The following ACKR2 variants were observed in gnomAD, a reference collection of about 807,000 sequenced individuals.
ACKR2 encodes the protein atypical chemokine receptor 2.
For synonymous variants in ACKR2, 207 were observed against 192.2 expected (o/e 1.08, Z -0.64); for missense variants, 457 against 477.3 (o/e 0.96, Z 0.40).
chr3:42,848,612 C>T (rs2125617609), intron 2 of ACKR2, among the ~76,000 whole-genome samples: 1 of 152,072 alleles, frequency 6.6e-6, no homozygotes, highest in South Asian at 2.1e-4. Flanking sequence ...TGGAAAAAAC[C>T]ACAGTAATAA....
chr3:42,821,480 A>T (rs1700808974), intron 2 of ACKR2, among the ~76,000 whole-genome samples: 1 of 152,122 alleles, frequency 6.6e-6, no homozygotes, highest in Non-Finnish European at 1.5e-5. Flanking sequence ...GATCATTTAA[A>T]CAACTCTACA....
intron 1 of ACKR2, among the ~76,000 whole-genome samples, chr3:42,817,313 C>G (rs1700762303): frequency 6.6e-6 from 1 of 152,138 alleles, no homozygotes; most frequent in South Asian, 2.1e-4. Context: ...TTCTCTAAAT[C>G]AATTCTCTCA....
chr3:42,827,994 A>G (rs1458660841), intron 2 of ACKR2, among the ~76,000 whole-genome samples: 1 of 151,636 alleles, frequency 6.6e-6, no homozygotes, highest in Non-Finnish European at 1.5e-5. Context: ...CTGCAAAATC[A>G]TGTGTAAAGT....
At chr3:42,855,383 A>G (rs759348891) in intron 2 of ACKR2, among the ~76,000 whole-genome samples, 1 of 152,164 alleles carries the variant, frequency 6.6e-6, no homozygotes, top group African/African-American at 2.4e-5. Context: ...TGCAGTGCAT[A>G]TGAAGGTGTC....
At chr3:42,842,688 G>A (rs1242187552) in intron 2 of ACKR2, among the ~76,000 whole-genome samples, 1 of 152,076 alleles carries the variant, frequency 6.6e-6, no homozygotes, top group East Asian at 1.9e-4. Context: ...CCAGAAGCAG[G>A]TTATGAAATC....
chr3:42,855,759 CA>C (rs1698900425), intron 2 of ACKR2, among the ~76,000 whole-genome samples: 1 of 152,158 alleles, frequency 6.6e-6, no homozygotes, highest in South Asian at 2.1e-4. Context: ...AGTGAAAGAT[CA>C]GGAGGCTAAA....
At chr3:42,826,114 G>A (rs1305381788) in intron 2 of ACKR2, among the ~76,000 whole-genome samples, 7 of 152,098 alleles carry the variant, frequency 4.6e-5, no homozygotes, top group Middle Eastern at 3.4e-3. Context: ...TGTATAACCC[G>A]TTATATCTGT....
intron 2 of ACKR2, among the ~76,000 whole-genome samples, chr3:42,857,969 C>T (rs2088341127): frequency 6.6e-6 from 1 of 152,246 alleles, no homozygotes; most frequent in Middle Eastern, 3.2e-3. Context: ...GACTGCCTCT[C>T]TAGATTCCTC....
chr3:42,846,336 A>G (rs1371069985), intron 2 of ACKR2, among the ~76,000 whole-genome samples: 2 of 152,212 alleles, frequency 1.3e-5, no homozygotes, highest in East Asian at 3.8e-4. Context: ...CTCAGTTTCC[A>G]GAGACCTTGA....
At chr3:42,857,910 G>T (rs1478268948) in intron 2 of ACKR2, among the ~76,000 whole-genome samples, 1 of 152,240 alleles carries the variant, frequency 6.6e-6, no homozygotes, top group Non-Finnish European at 1.5e-5. Flanking sequence ...CCACTGGGAA[G>T]TTCGAACTGG....
At chr3:42,830,234 A>G (rs1226008480) in intron 2 of ACKR2, among the ~76,000 whole-genome samples, 1 of 152,166 alleles carries the variant, frequency 6.6e-6, no homozygotes, top group Non-Finnish European at 1.5e-5. Flanking sequence ...AAGGAATTGG[A>G]GGATGCTGGT....
intron 2 of ACKR2, among the ~76,000 whole-genome samples, chr3:42,847,788 GGCTCA>G: frequency 6.6e-6 from 1 of 152,246 alleles, no homozygotes; most frequent in Middle Eastern, 3.4e-3. Flanking sequence ...TACCTGGCCA[GGCTCA>G]GCCCTTCCTG....
At chr3:42,851,035 G>A (rs1169073372) in intron 2 of ACKR2, 2 of 152,368 alleles carry the variant, frequency 1.3e-5, no homozygotes, top group South Asian at 4.1e-4. Flanking sequence ...AGCTGAAGGT[G>A]ATGTTGGGAA....
intron 2 of ACKR2, among the ~76,000 whole-genome samples, chr3:42,849,013 C>T (rs1008617933): frequency 5.3e-5 from 8 of 152,078 alleles, no homozygotes; most frequent in Non-Finnish European, 1.5e-5. Context: ...GAGGAACTGC[C>T]CCAGAATGAA....
intron 2 of ACKR2, among the ~76,000 whole-genome samples, chr3:42,854,335 T>C (rs1201461001): frequency 6.6e-6 from 1 of 152,250 alleles, no homozygotes; most frequent in Admixed American, 6.5e-5. Context: ...GTTAATTCCA[T>C]GATCATTTGT....
intron 2 of ACKR2, among the ~76,000 whole-genome samples, chr3:42,843,030 C>G: frequency 7.2e-6 from 1 of 138,752 alleles, no homozygotes; most frequent in Non-Finnish European, 1.5e-5. Flanking sequence ...TGAGTCATGT[C>G]TAGCTATTTA....
chr3:42,819,439 TGG>T lies in ACKR2; in HGVS notation c.-118-191_-118-190del, dbSNP rs1421179791. Among the ~76,000 whole-genome samples, 79 of 69,418 alleles carry T rather than the reference TGG, an allele frequency of 1.1e-3. 2 individuals are homozygous for T. The highest frequency in any genetic ancestry group is 6.3e-3 in the African/African-American group (77 of 12,298). The allele number at this position is 69,418 out of a possible 152,430, so 45.5% of individuals were successfully genotyped here. On this transcript the variant is annotated intron_variant, in intron 1 of 2. Coordinates refer to ENST00000422265, the MANE Select transcript of ACKR2 (RefSeq NM_001296.5). The stretch of plus-strand genomic sequence containing the variant: ...AGAGCTGGGCTCCCTCACTGTTTCC[TGG>T]CTCTTTCCAGTAGAAAAGAGCTGGG...
chr3:42,844,082 G>A (rs1000145138), intron 2 of ACKR2: 1 of 152,204 alleles, frequency 6.6e-6, no homozygotes. Flanking sequence ...AAGCATTGGA[G>A]GGGAAATAGC....
At chr3:42,847,987 G>C (rs1193645474) in intron 2 of ACKR2, among the ~76,000 whole-genome samples, 2 of 152,056 alleles carry the variant, frequency 1.3e-5, no homozygotes, top group Non-Finnish European at 2.9e-5. Flanking sequence ...AGTGTCTGAC[G>C]TGCTATGGCT....
Sources: gnomAD v4.1 joint callset for allele counts (sites outside exome capture counted in the v4.1 genomes callset) on GRCh38, gnomAD v4.1.1 for gene constraint, MANE v1.5 for transcripts, NCBI Gene and HGNC (gene_info 2026-07-23, HGNC 2026-07-21) for gene names.